Variants in SLIT2 observed in about 807,000 individuals in gnomAD.
The protein encoded by SLIT2 is slit guidance ligand 2.
In SLIT2, 41 loss-of-function variants were observed where a neutral mutation model predicts 185.7. The ratio of observed to expected loss-of-function variants is 0.22; its 90% CI spans 0.17 to 0.29. The LOEUF (loss-of-function observed/expected upper bound fraction) is 0.29, where lower values mean the gene tolerates loss of function less well. Ranked by LOEUF, SLIT2 falls within the 10% of genes least tolerant of loss-of-function variation. The pLI, the probability that SLIT2 is intolerant of heterozygous loss-of-function variation, is 1.00. For synonymous variants in SLIT2, 693 were observed against 680.2 expected, an observed-to-expected ratio of 1.02 and a Z score of -0.29; for missense variants, 1,571 against 1,909.0, an observed-to-expected ratio of 0.82 and a Z score of 3.30.
chr4:20,393,313 C>G (rs149948952), intron 4 of SLIT2: 2 of 152,140 alleles, frequency 1.3e-5, no homozygotes, highest in African/African-American at 4.8e-5. Flanking sequence ...CAAATAGAAG[C>G]CTAATTACAT....
intron 4 of SLIT2, among the ~76,000 whole-genome samples, chr4:20,288,264 G>T (rs1304507050): frequency 6.6e-6 from 1 of 152,258 alleles, no homozygotes; most frequent in East Asian, 1.9e-4. Flanking sequence ...GGCTTCAGCA[G>T]TGTGGTGTGT....
rs1244846409 is a variant in SLIT2 at position 20,516,370 on chromosome 4, CTA to C, written c.1059-3010_1059-3009del. Among the ~76,000 whole-genome samples, 11 of 152,254 alleles carry C rather than the reference CTA, an allele frequency of 7.2e-5. No individual in the cohort carries two copies. In the East Asian group the frequency reaches 1.9e-3, roughly 27 times the overall value. On this transcript the variant is annotated intron_variant, in intron 11 of 36. Coordinates refer to ENST00000504154, the MANE Select transcript of SLIT2 (RefSeq NM_004787.4). The stretch of plus-strand genomic sequence containing the variant: ...ATAATAGTACGTATGTATATACTAT[CTA>C]TGTGGTATGCTGAACATAAGTCATG...
chr4:20,458,056 C>T (rs1231130039), intron 4 of SLIT2, among the ~76,000 whole-genome samples: 1 of 148,208 alleles, frequency 6.7e-6, no homozygotes, highest in Admixed American at 6.8e-5. Flanking sequence ...TTCAAAATTA[C>T]CTGTTCCAGA....
chr4:20,289,160 T>C (rs1272897676), intron 4 of SLIT2, among the ~76,000 whole-genome samples: 3 of 152,240 alleles, frequency 2.0e-5, no homozygotes, highest in African/African-American at 7.2e-5. Context: ...AGAACTTAAA[T>C]TTTAATATTT....
chr4:20,303,129 T>C (rs868310829), intron 4 of SLIT2, among the ~76,000 whole-genome samples: 5 of 152,130 alleles, frequency 3.3e-5, no homozygotes, highest in African/African-American at 1.2e-4. Context: ...ACATGGAAAA[T>C]GTTAGTTTTA....
chr4:20,274,817 A>G (rs1714001824), intron 4 of SLIT2, among the ~76,000 whole-genome samples: 1 of 152,048 alleles, frequency 6.6e-6, no homozygotes, highest in African/African-American at 2.4e-5. Context: ...AACTCCACCA[A>G]CAAGTACTTA....
At chr4:20,291,470 ATATATATATATATATATATATATTTTT>A (rs1461135716) in intron 4 of SLIT2, among the ~76,000 whole-genome samples, 49 of 11,216 alleles carry the variant, frequency 4.4e-3, no homozygotes, top group South Asian at 0.021. Flanking sequence ...ATATATATAT[ATATATATATATATATATATATATTTTT>A]TTTTTTTTTT....
intron 29 of SLIT2, among the ~76,000 whole-genome samples, chr4:20,588,374 C>T (rs1318805757): frequency 1.3e-5 from 2 of 152,128 alleles, no homozygotes; most frequent in Non-Finnish European, 2.9e-5. Flanking sequence ...GCAATGATTT[C>T]TACCAACTAG....
intron 4 of SLIT2, among the ~76,000 whole-genome samples, chr4:20,438,742 A>G (rs1412623114): frequency 6.6e-6 from 1 of 152,214 alleles, no homozygotes; most frequent in Non-Finnish European, 1.5e-5. Flanking sequence ...CCTTTCTGTT[A>G]TCACAACATG....
chr4:20,469,790 C>G (rs866932500), intron 5 of SLIT2, among the ~76,000 whole-genome samples: 1 of 123,422 alleles, frequency 8.1e-6, no homozygotes, highest in Non-Finnish European at 1.6e-5. Flanking sequence ...GTGTCTCGCT[C>G]TCTCACCCAG....
chr4:20,314,800 T>G (rs1196836996), intron 4 of SLIT2, among the ~76,000 whole-genome samples: 1 of 152,060 alleles, frequency 6.6e-6, no homozygotes, highest in East Asian at 1.9e-4. Flanking sequence ...GTCAATAAAT[T>G]CATGGAAAGC....
At chr4:20,335,143 T>C (rs1362147870) in intron 4 of SLIT2, among the ~76,000 whole-genome samples, 2 of 152,086 alleles carry the variant, frequency 1.3e-5, no homozygotes, top group Non-Finnish European at 2.9e-5. Flanking sequence ...CCCTCCCAAG[T>C]CACCTGGGAA....
At chr4:20,508,751 G>A (rs1719432651) in intron 9 of SLIT2, among the ~76,000 whole-genome samples, 1 of 152,042 alleles carries the variant, frequency 6.6e-6, no homozygotes, top group Non-Finnish European at 1.5e-5. Context: ...AGTACAGTGA[G>A]CACCAAGGAG....
chr4:20,317,336 A>G (rs1718691812), intron 4 of SLIT2, among the ~76,000 whole-genome samples: 1 of 144,024 alleles, frequency 6.9e-6, no homozygotes, highest in South Asian at 2.1e-4. Context: ...TGAGACTTCA[A>G]TTTCATGTAT....
chr4:20,380,366 A>T (rs183233651), intron 4 of SLIT2, among the ~76,000 whole-genome samples: 140 of 152,322 alleles, frequency 9.2e-4, no homozygotes, highest in Non-Finnish European at 1.5e-3. Context: ...AACATTGTAC[A>T]AATTGCAGTA....
chr4:20,286,473 G>C (rs1715276910), intron 4 of SLIT2, among the ~76,000 whole-genome samples: 1 of 151,890 alleles, frequency 6.6e-6, no homozygotes, highest in South Asian at 2.1e-4. Context: ...TATCTATACA[G>C]TCCTCTGCCT....
At chr4:20,282,186 A>G (rs889152452) in intron 4 of SLIT2, among the ~76,000 whole-genome samples, 2 of 152,210 alleles carry the variant, frequency 1.3e-5, no homozygotes, top group Non-Finnish European at 2.9e-5. Flanking sequence ...CCCATTTAGA[A>G]GCCATACTCT....
intron 15 of SLIT2, among the ~76,000 whole-genome samples, chr4:20,525,625 T>A (rs1160897088): frequency 6.6e-6 from 1 of 152,132 alleles, no homozygotes; most frequent in African/African-American, 2.4e-5. Flanking sequence ...ATCATGAAAA[T>A]TACTTTTTTA....
At chr4:20,497,065 A>AT (rs36102199) in intron 9 of SLIT2, among the ~76,000 whole-genome samples, 56 of 148,646 alleles carry the variant, frequency 3.8e-4, no homozygotes, top group East Asian at 1.4e-3. Context: ...TATTTCTGAG[A>AT]TTTTTTTTTT....
Sources: gnomAD v4.1 joint callset for allele counts (sites outside exome capture counted in the v4.1 genomes callset) on GRCh38, gnomAD v4.1.1 for gene constraint, MANE v1.5 for transcripts, NCBI Gene and HGNC (gene_info 2026-07-23, HGNC 2026-07-21) for gene names.